The following ADAMTS19 variants were observed in gnomAD, a reference collection of about 807,000 sequenced individuals.
ADAMTS19 encodes the protein A disintegrin and metalloproteinase with thrombospondin motifs 19.
Under a neutral mutation model 153.3 loss-of-function variants are expected in ADAMTS19, and 93 were observed. The ratio of observed to expected loss-of-function variants is 0.61; its 90% confidence interval spans 0.51 to 0.72. The LOEUF is 0.72. Ranked by LOEUF, ADAMTS19 falls within the 30% of genes least tolerant of loss-of-function variation. The pLI is 0.00. For synonymous variants in ADAMTS19, 600 were observed against 556.6 expected (o/e 1.08, Z -1.10); for missense variants, 1,482 against 1,552.1 (o/e 0.95, Z 0.76).
chr5:129,677,394 T>A (rs889063203), intron 16 of ADAMTS19, among the ~76,000 whole-genome samples: 1 of 152,028 alleles, frequency 6.6e-6, no homozygotes. Flanking sequence ...GGGGAATTGC[T>A]TGAATCTGGG....
intron 10 of ADAMTS19, among the ~76,000 whole-genome samples, chr5:129,623,058 T>C (rs1436812361): frequency 6.6e-6 from 1 of 152,144 alleles, no homozygotes; most frequent in Non-Finnish European, 1.5e-5. Flanking sequence ...CATGTAATTG[T>C]GGAGGAGGAA....
At chr5:129,500,876 A>G (rs568864868) in intron 2 of ADAMTS19, among the ~76,000 whole-genome samples, 43 of 152,280 alleles carry the variant, frequency 2.8e-4, no homozygotes, top group African/African-American at 9.9e-4. Flanking sequence ...AGGATAAACT[A>G]TTATTTGGCA....
At chr5:129,728,461 A>G (rs1013546810) in intron 21 of ADAMTS19, among the ~76,000 whole-genome samples, 1 of 151,982 alleles carries the variant, frequency 6.6e-6, no homozygotes, top group African/African-American at 2.4e-5. Context: ...ATGGGCAAGG[A>G]CTTCATTTCC....
At chr5:129,615,402 A>G (rs1409244190) in intron 8 of ADAMTS19, among the ~76,000 whole-genome samples, 1 of 151,992 alleles carries the variant, frequency 6.6e-6, no homozygotes, top group Non-Finnish European at 1.5e-5. Flanking sequence ...TTTTAAGTAA[A>G]TAAGAATCAT....
At chr5:129,561,220 C>T (rs1344477406) in intron 7 of ADAMTS19, among the ~76,000 whole-genome samples, 1 of 152,072 alleles carries the variant, frequency 6.6e-6, no homozygotes, top group Non-Finnish European at 1.5e-5. Context: ...TAGAAGACAG[C>T]TGAATTTCAT....
intron 18 of ADAMTS19, among the ~76,000 whole-genome samples, chr5:129,684,569 G>A (rs1420118578): frequency 4.1e-5 from 6 of 147,670 alleles, no homozygotes; most frequent in Admixed American, 3.4e-4. Flanking sequence ...GTTTACAGGG[G>A]CCTCCCCAGA....
chr5:129,527,185 C>T (rs530335445), intron 4 of ADAMTS19, among the ~76,000 whole-genome samples: 1 of 151,900 alleles, frequency 6.6e-6, no homozygotes, highest in South Asian at 2.1e-4. Flanking sequence ...GTTGGGCAAA[C>T]CTCATTCAAG....
chr5:129,468,020 C>T (rs1176516869), intron 2 of ADAMTS19, among the ~76,000 whole-genome samples: 1 of 152,210 alleles, frequency 6.6e-6, no homozygotes, highest in Non-Finnish European at 1.5e-5. Flanking sequence ...TTTACGTCCT[C>T]TTATATCTGA....
intron 20 of ADAMTS19, among the ~76,000 whole-genome samples, chr5:129,702,088 T>C (rs1158497932): frequency 6.6e-6 from 1 of 152,232 alleles, no homozygotes; most frequent in Non-Finnish European, 1.5e-5. Flanking sequence ...GTAAATAGTT[T>C]ACCCTAAGTC....
chr5:129,706,627 A>T (rs1326205007), intron 21 of ADAMTS19, among the ~76,000 whole-genome samples: 1 of 152,216 alleles, frequency 6.6e-6, no homozygotes, highest in Non-Finnish European at 1.5e-5. Context: ...TAACTATAAA[A>T]TACAGAAGAT....
rs114694831 is a variant in ADAMTS19 at position 129,503,125 on chromosome 5, T to G, written c.748-5952T>G. On this transcript the variant is annotated intron_variant, in intron 2 of 22. Transcript: ENST00000274487. Reference sequence around the variant, plus strand: ...GTTCACATAGTAAAAGCTTGTCTGTTATTGTTATATATGAAGTTTGAGTAG... The same window carrying G: ...GTTCACATAGTAAAAGCTTGTCTGTGATTGTTATATATGAAGTTTGAGTAG... Among the ~76,000 whole-genome samples the G allele has an allele frequency of 6.4e-3, 975 of 152,330 alleles. 9 individuals carry two copies. The highest frequency in any genetic ancestry group is 0.023 in the African/African-American group (936 of 41,572).
chr5:129,690,684 A>T (rs1336393417), intron 18 of ADAMTS19, among the ~76,000 whole-genome samples: 1 of 152,176 alleles, frequency 6.6e-6, no homozygotes, highest in African/African-American at 2.4e-5. Flanking sequence ...GTAAAAAATA[A>T]TCAGCATTTT....
chr5:129,557,153 C>T (rs1381072324), intron 7 of ADAMTS19, among the ~76,000 whole-genome samples: 1 of 151,958 alleles, frequency 6.6e-6, no homozygotes, highest in East Asian at 1.9e-4. Context: ...TAATTGGTAC[C>T]ATGATATATA....
At chr5:129,464,780 G>A (rs1338928774) in intron 2 of ADAMTS19, among the ~76,000 whole-genome samples, 1 of 152,062 alleles carries the variant, frequency 6.6e-6, no homozygotes, top group African/African-American at 2.4e-5. Flanking sequence ...TGTACAAATT[G>A]TACTTATATA....
chr5:129,466,879 A>T (rs1014004068), intron 2 of ADAMTS19, among the ~76,000 whole-genome samples: 1 of 152,220 alleles, frequency 6.6e-6, no homozygotes, highest in African/African-American at 2.4e-5. Context: ...TTTTCAACAC[A>T]GGTTTCCATA....
chr5:129,665,585 C>A lies in ADAMTS19; in HGVS notation c.2506+6C>A. ...GCCGGCACATAGCTATTTAGGTAACCTGTGTTACAGACACAGAGAAGATCC... is the reference window on the plus strand; with the variant it reads ...GCCGGCACATAGCTATTTAGGTAACATGTGTTACAGACACAGAGAAGATCC... On this transcript the variant is annotated splice_donor_region_variant and intron_variant, in intron 16 of 22. Coordinates refer to ENST00000274487, the MANE Select transcript of ADAMTS19 (RefSeq NM_133638.6). 1 of 1,604,360 alleles carries A rather than the reference C, an allele frequency of 6.2e-7. No individual in the cohort carries two copies. Among genetic ancestry groups the A allele is most frequent in the East Asian group, 2.2e-5 (1 of 44,560 alleles).
chr5:129,729,808 A>G (rs1297007125), intron 21 of ADAMTS19, among the ~76,000 whole-genome samples: 1 of 152,078 alleles, frequency 6.6e-6, no homozygotes, highest in Non-Finnish European at 1.5e-5. Flanking sequence ...ATACTGAAAA[A>G]TGATGTGTTA....
intron 6 of ADAMTS19, among the ~76,000 whole-genome samples, chr5:129,540,741 T>A (rs1194354969): frequency 5.3e-5 from 8 of 152,092 alleles, no homozygotes. Flanking sequence ...TGAGACTTAT[T>A]CTCAGATGCA....
chr5:129,496,001 T>C (rs1186287881), intron 2 of ADAMTS19, among the ~76,000 whole-genome samples: 1 of 152,080 alleles, frequency 6.6e-6, no homozygotes, highest in Non-Finnish European at 1.5e-5. Flanking sequence ...AGGTCAAATG[T>C]GTTCTTTAAG....
Sources: gnomAD v4.1 joint callset for allele counts (sites outside exome capture counted in the v4.1 genomes callset) on GRCh38, gnomAD v4.1.1 for gene constraint, MANE v1.5 for transcripts, NCBI Gene and HGNC (gene_info 2026-07-23, HGNC 2026-07-21) for gene names.